Variants in RAVER2 observed in about 807,000 individuals in gnomAD.
RAVER2 encodes the protein ribonucleoprotein PTB-binding 2.
A neutral mutation model predicts 78.1 loss-of-function variants in RAVER2; 46 were observed. That is an observed-to-expected ratio of 0.59 (90% CI 0.46 to 0.75). The LOEUF (loss-of-function observed/expected upper bound fraction) is 0.75, where lower values mean the gene tolerates loss of function less well. Ranked by LOEUF, RAVER2 falls within the 30% of genes least tolerant of loss-of-function variation. The pLI is 0.00. For synonymous variants in RAVER2, 311 were observed against 313.3 expected (o/e 0.99, Z 0.08); for missense variants, 793 against 837.5 (o/e 0.95, Z 0.66).
In RAVER2 at chr1:64,768,805, A is replaced by G. The variant is rs1652242242; in HGVS notation, c.316+83A>G. On this transcript the variant is annotated intron_variant, in intron 2 of 11. Coordinates refer to ENST00000294428, the Ensembl canonical transcript of RAVER2. Reference sequence around the variant, plus strand: ...GAACAAAAAAGCTCAGTGTCTTTTCATGCTTAAGCTAATCATGGAATTTTT... The same window carrying G: ...GAACAAAAAAGCTCAGTGTCTTTTCGTGCTTAAGCTAATCATGGAATTTTT... The G allele has an allele frequency of 3.6e-6, 3 of 835,054 alleles. No homozygotes were observed. The African/African-American group carries it at 5.3e-5, about 15-fold the overall frequency. The allele number at this position is 835,054 out of a possible 1,614,324, so 51.7% of individuals were successfully genotyped here.
intron 11 of RAVER2, among the ~76,000 whole-genome samples, chr1:64,819,104 A>G (rs1653823024): frequency 6.6e-6 from 1 of 152,226 alleles, no homozygotes; most frequent in African/African-American, 2.4e-5. Flanking sequence ...TATGTCCAGT[A>G]GAACAAAATT....
chr1:64,768,967 T>C (rs1164664064), intron 2 of RAVER2, among the ~76,000 whole-genome samples: 1 of 152,050 alleles, frequency 6.6e-6, no homozygotes, highest in African/African-American at 2.4e-5. Context: ...TCTGTTACAG[T>C]GAATGTTCTT....
chr1:64,769,449 A>C (rs1652257556), intron 2 of RAVER2, among the ~76,000 whole-genome samples: 1 of 152,076 alleles, frequency 6.6e-6, no homozygotes, highest in Non-Finnish European at 1.5e-5. Context: ...CAATTTATGC[A>C]ATTACATTTT....
intron 1 of RAVER2, among the ~76,000 whole-genome samples, chr1:64,753,773 C>T (rs750011942): frequency 5.3e-5 from 8 of 152,018 alleles, no homozygotes; most frequent in Non-Finnish European, 8.8e-5. Flanking sequence ...CTGCCCACCT[C>T]GGCCTCCCAA....
rs568822299 is a variant in RAVER2 at position 64,798,513 on chromosome 1, T to G, written c.1106-4463T>G. 6.6e-5 allele frequency among the ~76,000 whole-genome samples: 10 copies of G among 152,118 alleles called. 1 individual carries two copies. In the East Asian group the frequency reaches 1.9e-3, roughly 29 times the overall value. On this transcript the variant is annotated intron_variant, in intron 5 of 11. Transcript: ENST00000294428. ...GGAATCGCCACACTGACTTCCACAA[T>G]GGTTGAACTAGTTTACAGTCCCACC...
chr1:64,782,795 A>G (rs1414206516), intron 4 of RAVER2, among the ~76,000 whole-genome samples: 4 of 152,204 alleles, frequency 2.6e-5, no homozygotes, highest in African/African-American at 7.2e-5. Flanking sequence ...AGCCAATTAC[A>G]TAGGTATACA....
intron 1 of RAVER2, among the ~76,000 whole-genome samples, chr1:64,753,393 A>C (rs929680013): frequency 2.0e-5 from 3 of 152,184 alleles, no homozygotes; most frequent in Admixed American, 6.5e-5. Flanking sequence ...AGAAATCCCC[A>C]CAAATAAGGT....
intron 5 of RAVER2, among the ~76,000 whole-genome samples, chr1:64,799,631 C>T (rs537717898): frequency 1.6e-4 from 25 of 151,866 alleles, no homozygotes; most frequent in Non-Finnish European, 2.9e-4. Context: ...TTAGTAGAGA[C>T]GGTTTCGCCA....
intron 5 of RAVER2, among the ~76,000 whole-genome samples, chr1:64,796,567 G>T (rs1374415007): frequency 1.3e-5 from 2 of 152,040 alleles, no homozygotes; most frequent in Non-Finnish European, 2.9e-5. Flanking sequence ...ATTGTTCATA[G>T]TATTCCCTTA....
At chr1:64,755,992 C>T (rs1166151807) in intron 1 of RAVER2, among the ~76,000 whole-genome samples, 1 of 152,084 alleles carries the variant, frequency 6.6e-6, no homozygotes, top group Non-Finnish European at 1.5e-5. Flanking sequence ...CCCTCAAAGT[C>T]ACACTACTGC....
At chr1:64,786,715 C>A (rs577928099) in intron 4 of RAVER2, among the ~76,000 whole-genome samples, 8 of 152,044 alleles carry the variant, frequency 5.3e-5, no homozygotes, top group African/African-American at 9.7e-5. Flanking sequence ...ATTGCTTGAA[C>A]CCAGGAAGCA....
In RAVER2 at chr1:64,745,435, G is replaced by T; in HGVS notation, c.249+14G>T. 1 of 1,521,278 alleles carries T rather than the reference G, an allele frequency of 6.6e-7. No individual in the cohort carries two copies. The highest frequency in any genetic ancestry group is 2.6e-5 in the East Asian group (1 of 38,806). 94.2% of individuals were successfully genotyped at this position (1,521,278 alleles called of 1,614,324 possible). A position where few individuals can be genotyped will look rare whatever the true frequency, so the allele number is the denominator to read the frequency against. The stretch of plus-strand genomic sequence containing the variant: ...AGCAACTGCCAGGTACTGGGACGGT[G>T]ATAGGGGCGACGCGTCCCGAGGGGC... On this transcript the variant is annotated intron_variant, in intron 1 of 11. Transcript: ENST00000294428. The surrounding 1 kb of genome is among the most constrained non-coding windows in gnomAD (Gnocchi z 4.3).
chr1:64,760,885 C>T (rs999712213), intron 1 of RAVER2, among the ~76,000 whole-genome samples: 3 of 152,074 alleles, frequency 2.0e-5, no homozygotes, highest in Non-Finnish European at 4.4e-5. Context: ...TTTGTAATGG[C>T]AATTCTTAAG....
At chr1:64,809,523 A>AATAAAT (rs1283004986) in intron 9 of RAVER2, among the ~76,000 whole-genome samples, 37 of 152,002 alleles carry the variant, frequency 2.4e-4, no homozygotes, top group African/African-American at 8.9e-4. Flanking sequence ...TAAATAAATA[A>AATAAAT]AAGAGATTTG....
At position 64,755,724 on chromosome 1, in the gene RAVER2, G is replaced by GTTTTT. The variant is rs753375050; in HGVS notation, c.249+10328_249+10332dup. ...CATTTCTCTGACTTTATGCTTCATA[G>GTTTTT]TTTTTTTTTTTTTTTTTTTTTTTTT... On this transcript the variant is annotated intron_variant, in intron 1 of 11. Coordinates refer to ENST00000294428, the Ensembl canonical transcript of RAVER2. Among the ~76,000 whole-genome samples, 227 of 60,666 alleles carry GTTTTT rather than the reference G, an allele frequency of 3.7e-3. 30 individuals carry two copies. Among genetic ancestry groups the GTTTTT allele is most frequent in the African/African-American group, 7.3e-3 (101 of 13,886 alleles). 39.8% of individuals were successfully genotyped at this position (60,666 alleles called of 152,430 possible). A position where few individuals can be genotyped will look rare whatever the true frequency, so the allele number is the denominator to read the frequency against.
intron 1 of RAVER2, among the ~76,000 whole-genome samples, chr1:64,761,630 C>A (rs1460517290): frequency 6.6e-6 from 1 of 152,070 alleles, no homozygotes; most frequent in Non-Finnish European, 1.5e-5. Flanking sequence ...ATGTTGACAG[C>A]TTTCTTTCTG....
rs369289583 is a variant in RAVER2 at position 64,763,881 on chromosome 1, C to T, written c.250-4775C>T. On this transcript the variant is annotated intron_variant, in intron 1 of 11. Transcript: ENST00000294428. ...TCACACCATTGCACTCCAGCCTGGA[C>T]GACAAGAGTGAAACTCCATCTCAAA... Among the ~76,000 whole-genome samples, 37 of 150,064 alleles carry T rather than the reference C, an allele frequency of 2.5e-4. 7 individuals are homozygous for T. The highest frequency in any genetic ancestry group is 4.0e-4 in the Admixed American group (6 of 14,942).
intron 5 of RAVER2, among the ~76,000 whole-genome samples, chr1:64,791,944 A>G (rs978195528): frequency 1.3e-5 from 2 of 152,122 alleles, no homozygotes; most frequent in African/African-American, 4.8e-5. Flanking sequence ...TTTTCTCCAG[A>G]CCAGTTCTTT....
chr1:64,758,521 G>T (rs777432860), intron 1 of RAVER2, among the ~76,000 whole-genome samples: 5 of 152,104 alleles, frequency 3.3e-5, no homozygotes, highest in Non-Finnish European at 5.9e-5. Flanking sequence ...TTTGTTGCTG[G>T]GTCTGAAGAT....
Sources: gnomAD v4.1 joint callset for allele counts (sites outside exome capture counted in the v4.1 genomes callset) on GRCh38, gnomAD v4.1.1 for gene constraint, Gnocchi (gnomAD v3.1) non-coding constraint, MANE v1.5 for transcripts, NCBI Gene and HGNC (gene_info 2026-07-23, HGNC 2026-07-21) for gene names.